Variants in VWF observed in about 807,000 individuals in gnomAD.
VWF encodes von Willebrand factor.
VWF carries 176 observed loss-of-function variants against 308.6 expected under a neutral mutation model. That is an observed-to-expected ratio of 0.57 (90% CI 0.50 to 0.65). VWF has a LOEUF of 0.65. Ranked by LOEUF, VWF falls within the 30% of genes least tolerant of loss-of-function variation. The pLI is 0.00. For missense variants in VWF, 3,146 were observed against 3,648.2 expected (o/e 0.86, Z 3.55); for synonymous variants, 1,385 against 1,443.4 (o/e 0.96, Z 0.92).
At chr12:6,098,912 C>T (rs1176429660) in intron 5 of VWF, among the ~76,000 whole-genome samples, 1 of 151,974 alleles carries the variant, frequency 6.6e-6, no homozygotes, top group African/African-American at 2.4e-5. Flanking sequence ...GGTTTAACAG[C>T]TTTGGATCTC....
chr12:5,962,587 G>A (rs1186495987), intron 47 of VWF, among the ~76,000 whole-genome samples: 1 of 122,934 alleles, frequency 8.1e-6, no homozygotes, highest in African/African-American at 3.4e-5. Flanking sequence ...TCTGTCACCA[G>A]GCTGGAGTGC....
At chr12:6,076,050 T>C (rs1944839838) in intron 6 of VWF, among the ~76,000 whole-genome samples, 1 of 151,318 alleles carries the variant, frequency 6.6e-6, no homozygotes. Flanking sequence ...TGCAGTAGTT[T>C]GGGATGGGGA....
chr12:6,110,892 A>G lies in VWF; in HGVS notation c.297T>C (p.Asn99=), dbSNP rs1945300608. 5 of 1,614,166 alleles carry G rather than the reference A, an allele frequency of 3.1e-6. No homozygotes were observed. The highest frequency in any genetic ancestry group is 2.2e-5 in the East Asian group (1 of 44,884). Residue 99 remains asparagine (N), a synonymous_variant, in exon 4 of 52, where the codon AAT becomes AAC. Transcript: ENST00000261405. ...TTTGGTCCCCCTGTGTCACGGTACCATTGACAAACAAATGGATGTCAAAAA... is the reference window on the plus strand; with the variant it reads ...TTTGGTCCCCCTGTGTCACGGTACCGTTGACAAACAAATGGATGTCAAAAA... ...GEFFDIHLFV[N]GTVTQGDQRV... is the part of the protein sequence containing the mutation.
intron 43 of VWF, among the ~76,000 whole-genome samples, chr12:5,973,547 CAACACTG>C (rs1943500503): frequency 6.6e-6 from 1 of 152,174 alleles, no homozygotes; most frequent in Non-Finnish European, 1.5e-5. Context: ...CTGGCCCTTG[CAACACTG>C]GAGTTGCGGG....
chr12:6,056,787 G>A lies in VWF; in HGVS notation c.1945+70C>T. The A allele has an allele frequency of 3.2e-6, 4 of 1,249,178 alleles. No homozygotes were observed. In the South Asian group the frequency reaches 8.9e-5, roughly 28 times the overall value. The allele number at this position is 1,249,178 out of a possible 1,614,324, so 77.4% of individuals were successfully genotyped here. A position where few individuals can be genotyped will look rare whatever the true frequency, so the allele number is the denominator to read the frequency against. On this transcript the variant is annotated intron_variant, in intron 15 of 51. Transcript: ENST00000261405. Reference sequence around the variant, plus strand: ...TCCACAGGAAACAACGCAGAGAAAGGGCTTCGAAAAGCACACGTGGACGGA... The same window carrying A: ...TCCACAGGAAACAACGCAGAGAAAGAGCTTCGAAAAGCACACGTGGACGGA...
At chr12:6,050,179 T>C (rs1944493526) in intron 16 of VWF, among the ~76,000 whole-genome samples, 2 of 152,162 alleles carry the variant, frequency 1.3e-5, no homozygotes, top group African/African-American at 4.8e-5. Flanking sequence ...CCTCTTGCTG[T>C]TCTTGCGTCA....
chr12:6,061,544 C>T (rs1944655177), intron 13 of VWF, among the ~76,000 whole-genome samples: 1 of 151,594 alleles, frequency 6.6e-6, no homozygotes, highest in African/African-American at 2.4e-5. Flanking sequence ...AACATAGCCA[C>T]ACGAGGATGG....
intron 22 of VWF, 58 bp from the exon 23 acceptor site, chr12:6,026,104 C>A (rs1944188897): frequency 6.2e-7 from 1 of 1,612,402 alleles, no homozygotes; most frequent in East Asian, 2.2e-5. Flanking sequence ...CTCTCCGGCT[C>A]AGGGGAAAGG....
Position 6,052,630 on chromosome 12 carries a change from TC to T in VWF, c.2098del (p.Asp700ThrfsTer41). On this transcript the variant is annotated frameshift_variant, in exon 16 of 52. Coordinates refer to ENST00000261405, the MANE Select transcript of VWF (RefSeq NM_000552.5). LOFTEE classifies it high-confidence loss of function. Reference sequence around the variant, plus strand: ...GGGGCACTGGGCCTTGGGCACGCAGTCCCCCCTCTCATCCATGTAGAGCCCT... The same window carrying T: ...GGGGCACTGGGCCTTGGGCACGCAGTCCCCCTCTCATCCATGTAGAGCCCT... Reference protein sequence around the residue: ...PPGLYMDERGDCVPKAQCPCY... With the variant: ...PPGLYMDERGXCVPKAQCPCY... The T allele has an allele frequency of 6.2e-7, 1 of 1,613,996 alleles. No individual in the cohort carries two copies. Among genetic ancestry groups the T allele is most frequent in the Non-Finnish European group, 8.5e-7 (1 of 1,180,004 alleles).
rs780181623 is a variant in VWF, at chr12:6,016,788, A to T, written c.5136T>A (p.Ser1712Arg). Residue 1712 changes from serine (S) to arginine (R), a missense_variant, in exon 29 of 52, where the codon AGT (serine) becomes AGA (arginine). By Grantham distance (110) the Ser-to-Arg change is moderately radical. Coordinates refer to ENST00000261405, the MANE Select transcript of VWF (RefSeq NM_000552.5). The part of the protein sequence containing the change: ...FPASYFDEMK[S>R]FAKAFISKAN... Reference sequence around the variant, plus strand: ...CTTTTGAAATGAAAGCCTTGGCGAAACTCTTCATTTCATCAAAATAAGAAG... The same window carrying T: ...CTTTTGAAATGAAAGCCTTGGCGAATCTCTTCATTTCATCAAAATAAGAAG... The T allele has an allele frequency of 5.2e-5, 84 of 1,613,936 alleles. No individual in the cohort carries two copies. The highest frequency in any genetic ancestry group is 6.6e-5 in the Non-Finnish European group (78 of 1,180,046).
chr12:6,008,926 A>G (rs1943961611), intron 34 of VWF, among the ~76,000 whole-genome samples: 2 of 152,184 alleles, frequency 1.3e-5, no homozygotes, highest in African/African-American at 4.8e-5. Flanking sequence ...TATATCATAC[A>G]CAAAGTTAAC....
chr12:6,015,290 A>AAATAC (rs4021569), intron 31 of VWF, among the ~76,000 whole-genome samples: 6 of 152,216 alleles, frequency 3.9e-5, no homozygotes, highest in East Asian at 1.9e-4. Context: ...GATATGTTAC[A>AAATAC]AATACAATAC....
At chr12:6,050,556 T>G (rs1439009426) in intron 16 of VWF, among the ~76,000 whole-genome samples, 1 of 152,164 alleles carries the variant, frequency 6.6e-6, no homozygotes, top group South Asian at 2.1e-4. Context: ...CCAACTTCCC[T>G]CCAGTCTTAG....
Position 6,038,725 on chromosome 12 carries a change from G to C in VWF, c.2443-2234C>G, listed in dbSNP as rs187919846. On this transcript the variant is annotated intron_variant, in intron 18 of 51. Coordinates refer to ENST00000261405, the MANE Select transcript of VWF (RefSeq NM_000552.5). ...TAGCAAGAGGAGGTTATTAATTCAT[G>C]GACAGCAATATTATAATAGGACCTT... Among the ~76,000 whole-genome samples the C allele has an allele frequency of 9.6e-3, 1,456 of 152,348 alleles. 11 individuals carry two copies. Among genetic ancestry groups the C allele is most frequent in the Admixed American group, 0.021 (314 of 15,306 alleles).
At chr12:5,984,457 A>G (rs903508695) in intron 40 of VWF, among the ~76,000 whole-genome samples, 6 of 152,234 alleles carry the variant, frequency 3.9e-5, no homozygotes, top group Admixed American at 1.3e-4. Flanking sequence ...TCCCTTCAAT[A>G]TCTGCATCAC....
intron 10 of VWF, among the ~76,000 whole-genome samples, chr12:6,067,729 C>T (rs530890764): frequency 1.4e-4 from 22 of 152,230 alleles, no homozygotes; most frequent in South Asian, 8.3e-4. Flanking sequence ...CATCAGTCAG[C>T]AACAGGCAGC....
At chr12:5,967,178 G>A (rs1011950348) in intron 47 of VWF, among the ~76,000 whole-genome samples, 2 of 152,172 alleles carry the variant, frequency 1.3e-5, no homozygotes, top group African/African-American at 4.8e-5. Flanking sequence ...GAACGGTGGT[G>A]CTGTTTCTTA....
At position 6,022,804 on chromosome 12, in the gene VWF, C is replaced by T. The variant is rs1293778792; in HGVS notation, c.3474G>A (p.Gln1158=). The T allele has an allele frequency of 1.9e-6, 1 of 535,820 alleles. No individual in the cohort carries two copies. The allele number at this position is 535,820 out of a possible 1,614,324, so 33.2% of individuals were successfully genotyped here. ...SCAPACQVTC[Q]HPEPLACPVQ... is the part of the protein sequence containing the mutation. The stretch of plus-strand genomic sequence containing the variant: ...CAGGGCAGGCCAGTGGCTCAGGGTG[C>T]TGACACGTGACTTGACAGGCAGGTG... The change falls in exon 26 of 52, where the codon CAG becomes CAA. Residue 1158 remains glutamine, a synonymous_variant. Coordinates refer to ENST00000261405, the MANE Select transcript of VWF (RefSeq NM_000552.5).
chr12:6,038,890 G>A (rs890206929), intron 18 of VWF, among the ~76,000 whole-genome samples: 5 of 152,208 alleles, frequency 3.3e-5, no homozygotes, highest in Non-Finnish European at 2.9e-5. Flanking sequence ...ACTTGGGAGA[G>A]AAGAGCAGGT....
Sources: gnomAD v4.1 joint callset for allele counts (sites outside exome capture counted in the v4.1 genomes callset) on GRCh38, gnomAD v4.1.1 for gene constraint, MANE v1.5 for transcripts, NCBI Gene and HGNC (gene_info 2026-07-23, HGNC 2026-07-21) for gene names.